CNTNAP2: variants seen among roughly 807,000 people sequenced by gnomAD.
The protein encoded by CNTNAP2 is contactin associated protein 2.
A neutral mutation model predicts 155.2 loss-of-function variants in CNTNAP2; 98 were observed. The observed-to-expected ratio is 0.63, with a 90% CI of 0.54 to 0.75. CNTNAP2 has a LOEUF of 0.75. CNTNAP2 is among the 30% of genes least tolerant of loss of function. The pLI is 0.00. For synonymous variants in CNTNAP2, 651 were observed against 631.2 expected (o/e 1.03, Z -0.47); for missense variants, 1,727 against 1,688.1 (o/e 1.02, Z -0.40).
intron 13 of CNTNAP2, among the ~76,000 whole-genome samples, chr7:147,870,242 C>A (rs1799304223): frequency 6.6e-6 from 1 of 152,090 alleles, no homozygotes. Context: ...TAACGCTGGT[C>A]TGACCCTATG....
chr7:147,997,553 T>C (rs900174854), intron 15 of CNTNAP2, among the ~76,000 whole-genome samples: 1 of 97,982 alleles, frequency 1.0e-5, no homozygotes, highest in African/African-American at 7.4e-5. Context: ...CAAAACTCTG[T>C]CTCAAAAAAA....
intron 4 of CNTNAP2, among the ~76,000 whole-genome samples, chr7:147,089,323 T>TCA: frequency 1.3e-5 from 2 of 152,292 alleles, no homozygotes; most frequent in Admixed American, 1.3e-4. Context: ...TCTCTGTTTG[T>TCA]CAATGTCTAT....
At chr7:147,798,383 G>C (rs1797935761) in intron 13 of CNTNAP2, among the ~76,000 whole-genome samples, 1 of 152,106 alleles carries the variant, frequency 6.6e-6, no homozygotes, top group South Asian at 2.1e-4. Context: ...AAATAAAACT[G>C]ACTTAAAAGT....
At chr7:146,132,299 G>C (rs994567988) in intron 1 of CNTNAP2, among the ~76,000 whole-genome samples, 1 of 152,156 alleles carries the variant, frequency 6.6e-6, no homozygotes, top group South Asian at 2.1e-4. Context: ...TAAAGAGTAC[G>C]AACTTCATAG....
intron 13 of CNTNAP2, among the ~76,000 whole-genome samples, chr7:147,832,233 TAAAC>T (rs2116637153): frequency 7.1e-6 from 1 of 141,206 alleles, no homozygotes; most frequent in East Asian, 2.1e-4. Flanking sequence ...TTTAATTATA[TAAAC>T]ATTTAATTAA....
intron 1 of CNTNAP2, among the ~76,000 whole-genome samples, chr7:146,318,069 A>G (rs1800939689): frequency 2.0e-5 from 3 of 151,820 alleles, no homozygotes; most frequent in Admixed American, 2.0e-4. Flanking sequence ...TGAACCCGGT[A>G]GGTGGATGTT....
intron 12 of CNTNAP2, among the ~76,000 whole-genome samples, chr7:147,633,230 G>A (rs146312813): frequency 0.023 from 3,455 of 152,298 alleles, 60 homozygotes; most frequent in Non-Finnish European, 0.032. Context: ...CCAATCCATG[G>A]TGACTTTCAC....
intron 12 of CNTNAP2, among the ~76,000 whole-genome samples, chr7:147,588,937 T>G (rs1369117079): frequency 6.6e-6 from 1 of 152,204 alleles, no homozygotes. Flanking sequence ...AAAGCAAAAG[T>G]GCTGCTCTGC....
At chr7:147,383,327 A>G (rs1201483960) in intron 9 of CNTNAP2, among the ~76,000 whole-genome samples, 4 of 152,204 alleles carry the variant, frequency 2.6e-5, no homozygotes, top group Admixed American at 2.6e-4. Flanking sequence ...TGTTTTAAAG[A>G]AGATATTTTT....
At chr7:148,398,723 G>T (rs1355770073) in intron 22 of CNTNAP2, among the ~76,000 whole-genome samples, 1 of 152,180 alleles carries the variant, frequency 6.6e-6, no homozygotes, top group African/African-American at 2.4e-5. Flanking sequence ...CATACATCAT[G>T]GAAGTCCAAA....
At chr7:147,559,941 C>T (rs976459891) in intron 11 of CNTNAP2, among the ~76,000 whole-genome samples, 2 of 150,952 alleles carry the variant, frequency 1.3e-5, no homozygotes, top group African/African-American at 4.9e-5. Flanking sequence ...GAGGCCGAGG[C>T]GCAGATCACC....
rs182244013 is a variant in CNTNAP2 at position 147,046,988 on chromosome 7, C to A, written c.550+2934C>A. 8.1e-3 allele frequency among the ~76,000 whole-genome samples: 1,118 copies of A among 138,782 alleles called. 18 individuals are homozygous for A. Among genetic ancestry groups the A allele is most frequent in the African/African-American group, 0.03 (1,080 of 36,340 alleles). 91.0% of individuals were successfully genotyped at this position (138,782 alleles called of 152,430 possible). ...TGGAGCTTGCAGTGAGCCAAGATTG[C>A]ACCACTGTACTCCAACCTGGGCGAC... On this transcript the variant is annotated intron_variant, in intron 4 of 23. Transcript: ENST00000361727.
chr7:146,793,432 C>G (rs947390851), intron 2 of CNTNAP2, among the ~76,000 whole-genome samples: 1 of 152,088 alleles, frequency 6.6e-6, no homozygotes, highest in African/African-American at 2.4e-5. Context: ...GAATGGTGAC[C>G]CTGGGGATGT....
intron 9 of CNTNAP2, among the ~76,000 whole-genome samples, chr7:147,306,861 T>C (rs1795038613): frequency 6.6e-6 from 1 of 152,076 alleles, no homozygotes; most frequent in African/African-American, 2.4e-5. Flanking sequence ...ATAAATGAAA[T>C]CATTAAAGAC....
intron 1 of CNTNAP2, among the ~76,000 whole-genome samples, chr7:146,239,547 A>T (rs569211232): frequency 6.6e-6 from 1 of 152,334 alleles, no homozygotes; most frequent in South Asian, 2.1e-4. Flanking sequence ...ACACTGTTTC[A>T]ATCTTCTCAC....
At chr7:147,107,791 T>C (rs998324758) in intron 4 of CNTNAP2, among the ~76,000 whole-genome samples, 22 of 152,294 alleles carry the variant, frequency 1.4e-4, no homozygotes, top group African/African-American at 4.6e-4. Context: ...GAATCAAACA[T>C]TTAAGTCTCA....
At chr7:147,836,795 G>A (rs1798641095) in intron 13 of CNTNAP2, among the ~76,000 whole-genome samples, 1 of 152,200 alleles carries the variant, frequency 6.6e-6, no homozygotes, top group Admixed American at 6.5e-5. Context: ...CTTGGATGGA[G>A]CTCTTGTCTG....
intron 1 of CNTNAP2, among the ~76,000 whole-genome samples, chr7:146,512,725 A>G (rs908589475): frequency 2.6e-5 from 4 of 151,866 alleles, no homozygotes; most frequent in Admixed American, 6.6e-5. Context: ...CTACCCTACA[A>G]AGTATTCCAT....
At chr7:147,355,603 G>T (rs1796050318) in intron 9 of CNTNAP2, among the ~76,000 whole-genome samples, 1 of 151,986 alleles carries the variant, frequency 6.6e-6, no homozygotes, top group Admixed American at 6.6e-5. Context: ...TGATAAAGGG[G>T]ATCTCACCAC....
Sources: allele counts gnomAD v4.1 joint callset (sites outside exome capture counted in the v4.1 genomes callset), GRCh38; gene constraint gnomAD v4.1.1; transcripts MANE v1.5; gene names NCBI Gene and HGNC (gene_info 2026-07-23, HGNC 2026-07-21).